Variants in PPP1R13L observed in about 807,000 individuals in gnomAD.
The protein encoded by PPP1R13L is relA-associated inhibitor.
PPP1R13L carries 50 observed loss-of-function variants against 80.9 expected under a neutral mutation model. That is an observed-to-expected ratio of 0.62 (90% CI 0.49 to 0.78). PPP1R13L has a LOEUF of 0.78. Ranked by LOEUF, PPP1R13L falls within the 30% of genes least tolerant of loss-of-function variation. The pLI, the probability that PPP1R13L is intolerant of heterozygous loss-of-function variation, is 0.00. For missense variants in PPP1R13L, 1,200 were observed against 1,205.9 expected, an observed-to-expected ratio of 1.00 and a Z score of 0.07; for synonymous variants, 602 against 534.3, an observed-to-expected ratio of 1.13 and a Z score of -1.75.
chr19:45,397,858 G>T (rs1973144028), intron 3 of PPP1R13L, 147 bp downstream of exon 3: 3 of 1,039,142 alleles, frequency 2.9e-6, no homozygotes, highest in South Asian at 1.9e-5. Flanking sequence ...GAGCCATCGC[G>T]CCTGGCCTGG....
chr19:45,397,122 T>C (rs1256769735), intron 3 of PPP1R13L, 64 bp from the exon 4 acceptor site: 2 of 1,203,354 alleles, frequency 1.7e-6, no homozygotes, highest in Non-Finnish European at 2.1e-6. Context: ...GGTTGGTGTG[T>C]GGGCGGGGGT....
chr19:45,384,210 T>G (rs986809717), intron 11 of PPP1R13L, among the ~76,000 whole-genome samples: 14 of 151,654 alleles, frequency 9.2e-5, no homozygotes, highest in Non-Finnish European at 4.4e-5. Context: ...CTCCTCCTGA[T>G]TCTTTATGTT....
At chr19:45,382,805 G>A in intron 11 of PPP1R13L, 79 bp from the exon 12 acceptor site, 1 of 1,404,702 alleles carries the variant, frequency 7.1e-7, no homozygotes, top group Non-Finnish European at 9.9e-7. Context: ...GTCCAGGACA[G>A]ACCCTGGAAT....
At chr19:45,405,445 C>G (rs148980237), upstream of PPP1R13L, among the ~76,000 whole-genome samples, 40 of 152,318 alleles carry the variant, frequency 2.6e-4, no homozygotes, top group African/African-American at 9.4e-4. Context: ...CGGGTTGGAT[C>G]TTCAAAGGAT....
At chr19:45,380,773 C>T (rs1236302242) in intron 12 of PPP1R13L, among the ~76,000 whole-genome samples, 1 of 151,414 alleles carries the variant, frequency 6.6e-6, no homozygotes, top group Admixed American at 6.6e-5. Flanking sequence ...GAGCCAAGAT[C>T]GCGCCACTGC....
intron 8 of PPP1R13L, among the ~76,000 whole-genome samples, chr19:45,388,994 T>C (rs1972918788): frequency 6.6e-6 from 1 of 152,176 alleles, no homozygotes; most frequent in South Asian, 2.1e-4. Context: ...CGCCTCGGCC[T>C]CCCAAGGTGC....
intron 1 of PPP1R13L, among the ~76,000 whole-genome samples, chr19:45,403,141 T>C (rs893992695): frequency 6.6e-6 from 1 of 152,024 alleles, no homozygotes; most frequent in African/African-American, 2.4e-5. Flanking sequence ...CTCAAAGGGG[T>C]ATGAGGATTG....
intron 1 of PPP1R13L, among the ~76,000 whole-genome samples, chr19:45,402,955 C>A (rs978475280): frequency 6.6e-6 from 1 of 152,142 alleles, no homozygotes; most frequent in South Asian, 2.1e-4. Context: ...ACAGCCCTGT[C>A]GGGTCACACT....
rs576651230 is a variant in PPP1R13L, at chr19:45,396,750, C to T, written c.507G>A (p.Gln169=). 170 of 1,360,616 alleles carry T rather than the reference C, an allele frequency of 1.2e-4. No individual in the cohort carries two copies. In the African/African-American group the frequency reaches 2.4e-3, roughly 19 times the overall value. 84.3% of individuals were successfully genotyped at this position (1,360,616 alleles called of 1,614,324 possible). The change falls in exon 4 of 13, where the codon CAG becomes CAA. Residue 169 remains glutamine, a synonymous_variant. Transcript: ENST00000360957. The surrounding 1 kb of genome is among the most constrained non-coding windows in gnomAD (Gnocchi z 5.3). ...PRPGPGPLRQ[Q]GPPTPFDFLG... Reference sequence around the variant, plus strand: ...GGAAGTCGAAAGGCGTGGGGGGACCCTGCTGGCGGAGCGGGCCTGGCCCGG... The same window carrying T: ...GGAAGTCGAAAGGCGTGGGGGGACCTTGCTGGCGGAGCGGGCCTGGCCCGG...
intron 1 of PPP1R13L, among the ~76,000 whole-genome samples, chr19:45,400,288 G>A (rs1255059833): frequency 1.3e-5 from 2 of 151,888 alleles, no homozygotes; most frequent in Admixed American, 1.3e-4. Flanking sequence ...GGCAGCTGTG[G>A]TCACTGGCCC....
intron 12 of PPP1R13L, among the ~76,000 whole-genome samples, chr19:45,381,627 C>T (rs1972763762): frequency 6.6e-6 from 1 of 152,100 alleles, no homozygotes; most frequent in Admixed American, 6.6e-5. Context: ...TACATCCTGA[C>T]AGCTTTATAA....
At chr19:45,403,868 A>T (rs1046748974) in intron 1 of PPP1R13L, among the ~76,000 whole-genome samples, 4 of 152,060 alleles carry the variant, frequency 2.6e-5, no homozygotes, top group Non-Finnish European at 4.4e-5. Context: ...ACGGGGAGAT[A>T]GACAGAGGGA....
intron 11 of PPP1R13L, among the ~76,000 whole-genome samples, chr19:45,383,293 C>CT (rs1164667426): frequency 0.18 from 11,193 of 62,772 alleles, 1,518 homozygotes; most frequent in East Asian, 0.26. Flanking sequence ...CGCGCCCGGC[C>CT]TTTTTTTTTT....
intron 1 of PPP1R13L, among the ~76,000 whole-genome samples, chr19:45,403,276 G>A (rs1973267791): frequency 6.6e-6 from 1 of 152,194 alleles, no homozygotes; most frequent in South Asian, 2.1e-4. Context: ...TCTGGCAACA[G>A]AGTGAGGGGT....
At chr19:45,390,228 T>C (rs953778253) in intron 8 of PPP1R13L, among the ~76,000 whole-genome samples, 2 of 152,194 alleles carry the variant, frequency 1.3e-5, no homozygotes, top group African/African-American at 4.8e-5. Context: ...GTAGCTGGGA[T>C]TGGAATGAGA....
intron 1 of PPP1R13L, among the ~76,000 whole-genome samples, chr19:45,404,021 A>G (rs1017097251): frequency 6.6e-6 from 1 of 152,120 alleles, no homozygotes; most frequent in Admixed American, 6.5e-5. Context: ...GGTCAGGGCA[A>G]GGAGCCCTGA....
intron 3 of PPP1R13L, among the ~76,000 whole-genome samples, chr19:45,397,645 A>G (rs1017042603): frequency 2.6e-5 from 4 of 151,608 alleles, no homozygotes; most frequent in Admixed American, 1.3e-4. Context: ...TTTAGTAGAG[A>G]CAGGGTTTCA....
chr19:45,395,278 A>T, intron 7 of PPP1R13L, 158 bp downstream of exon 7: 1 of 996,222 alleles, frequency 1.0e-6, no homozygotes, highest in Non-Finnish European at 1.5e-6. Flanking sequence ...CCTGGCTCCT[A>T]CCCAAATTCC....
Position 45,398,160 on chromosome 19 carries a change from G to T in PPP1R13L, c.56-13C>A. On this transcript the variant is annotated splice_polypyrimidine_tract_variant and intron_variant, in intron 2 of 12. Transcript: ENST00000360957. The stretch of plus-strand genomic sequence containing the variant: ...TTCATGGCCAGCGCTGGGAAGGTGG[G>T]AGTGGAGGTAAGGACCTGGCCTCCT... 6.2e-7 allele frequency: 1 copy of T among 1,613,424 alleles called. No individual in the cohort carries two copies. Among genetic ancestry groups the T allele is most frequent in the Non-Finnish European group, 8.5e-7 (1 of 1,179,474 alleles).
Sources: allele counts gnomAD v4.1 joint callset (sites outside exome capture counted in the v4.1 genomes callset), GRCh38; gene constraint gnomAD v4.1.1; non-coding constraint Gnocchi (gnomAD v3.1); transcripts MANE v1.5; gene names NCBI Gene and HGNC (gene_info 2026-07-23, HGNC 2026-07-21).